Variants in TRAPPC10 observed in about 807,000 individuals in gnomAD.
The protein encoded by TRAPPC10 is TRAPP 130 kDa subunit.
A neutral mutation model predicts 125.5 loss-of-function variants in TRAPPC10; 23 were observed. The observed-to-expected ratio is 0.18, with a 90% CI of 0.13 to 0.26. TRAPPC10 has a LOEUF of 0.26. Ranked by LOEUF, TRAPPC10 falls within the 10% of genes least tolerant of loss-of-function variation. The pLI is 1.00. For synonymous variants in TRAPPC10, 509 were observed against 518.0 expected, an observed-to-expected ratio of 0.98 and a Z score of 0.24; for missense variants, 1,123 against 1,308.4, an observed-to-expected ratio of 0.86 and a Z score of 2.19.
intron 1 of TRAPPC10, among the ~76,000 whole-genome samples, chr21:44,029,187 CG>C (rs2033354139): frequency 2.0e-5 from 3 of 152,172 alleles, no homozygotes; most frequent in Admixed American, 2.0e-4. Flanking sequence ...CTCCGCCTCC[CG>C]GGTTCACACC....
At position 44,036,945 on chromosome 21, in the gene TRAPPC10, A is replaced by G. The variant is rs578009293; in HGVS notation, c.150-847A>G. 2.6e-5 allele frequency among the ~76,000 whole-genome samples: 4 copies of G among 152,344 alleles called. No individual in the cohort carries two copies. The East Asian group carries it at 7.7e-4, about 29-fold the overall frequency. On this transcript the variant is annotated intron_variant, in intron 2 of 22. Transcript: ENST00000291574. ...AAACCAGCAGAGAGAAAAGATGGAA[A>G]AAGAAAACTTGATTAATCTCCCAAA...
intron 11 of TRAPPC10, among the ~76,000 whole-genome samples, chr21:44,078,242 CAA>C (rs1403217996): frequency 1.3e-4 from 20 of 152,080 alleles, no homozygotes; most frequent in African/African-American, 4.8e-4. Flanking sequence ...AAGGTGTGTA[CAA>C]AGACTGCAGG....
At chr21:44,022,276 ATTTTTT>A (rs58767563) in intron 1 of TRAPPC10, among the ~76,000 whole-genome samples, 8 of 83,774 alleles carry the variant, frequency 9.5e-5, no homozygotes, top group South Asian at 3.7e-4. Flanking sequence ...GCCTGGCTAA[ATTTTTT>A]TTTTTTTTTT....
At chr21:44,016,334 A>T (rs2031840427) in intron 1 of TRAPPC10, among the ~76,000 whole-genome samples, 1 of 152,178 alleles carries the variant, frequency 6.6e-6, no homozygotes, top group Admixed American at 6.5e-5. Flanking sequence ...CAGCCATCTC[A>T]TTCAGTTAGT....
Position 44,059,369 on chromosome 21 carries a change from G to C in TRAPPC10, c.790+155G>C. ...ATCGGATATATTCTCGTGATTCCTA[G>C]AGGAAATGAAATGAGAATTAAGAAT... On this transcript the variant is annotated intron_variant, in intron 6 of 22. Transcript: ENST00000291574. This position sits in a 1 kb window ranked among gnomAD's most constrained non-coding sequence, Gnocchi z 4.4. 2 of 696,224 alleles carry C rather than the reference G, an allele frequency of 2.9e-6. No individual in the cohort carries two copies. The highest frequency in any genetic ancestry group is 5.2e-6 in the Non-Finnish European group (2 of 381,998). The allele number at this position is 696,224 out of a possible 1,614,324, so 43.1% of individuals were successfully genotyped here. A position where few individuals can be genotyped will look rare whatever the true frequency, so the allele number is the denominator to read the frequency against.
intron 7 of TRAPPC10, among the ~76,000 whole-genome samples, chr21:44,073,701 T>C (rs960274246): frequency 1.5e-4 from 23 of 152,158 alleles, no homozygotes; most frequent in Admixed American, 1.2e-3. Flanking sequence ...AGACATTGGG[T>C]TTCACCTGTA....
chr21:44,064,476 C>T (rs896759808), intron 7 of TRAPPC10, among the ~76,000 whole-genome samples: 1 of 152,130 alleles, frequency 6.6e-6, no homozygotes, highest in African/African-American at 2.4e-5. Flanking sequence ...TCTGGTGATT[C>T]TTGTTTCAGG....
intron 5 of TRAPPC10, among the ~76,000 whole-genome samples, chr21:44,058,544 G>A (rs1435672224): frequency 1.3e-5 from 2 of 152,246 alleles, no homozygotes; most frequent in African/African-American, 4.8e-5. Flanking sequence ...TTGGGGTTCA[G>A]GTTTCCATGT....
chr21:44,076,548 T>A lies in TRAPPC10; in HGVS notation c.1301-4T>A, dbSNP rs1319152410. The A allele has an allele frequency of 1.2e-6, 2 of 1,613,698 alleles. No homozygotes were observed. Among genetic ancestry groups the A allele is most frequent in the Non-Finnish European group, 1.7e-6 (2 of 1,179,666 alleles). The stretch of plus-strand genomic sequence containing the variant: ...AGAGGGACTCTCGTTTCTTTCTGTT[T>A]AAGCCAACACAGCTCAGAGTCCTTA... On this transcript the variant is annotated splice_region_variant and splice_polypyrimidine_tract_variant and intron_variant, in intron 9 of 22. Coordinates refer to ENST00000291574, the MANE Select transcript of TRAPPC10 (RefSeq NM_003274.5).
rs2038607952 is a variant in TRAPPC10 at position 44,091,920 on chromosome 21, T to C, written c.2871-3T>C. The C allele has an allele frequency of 1.2e-6, 2 of 1,613,474 alleles. No individual in the cohort carries two copies. The highest frequency in any genetic ancestry group is 1.1e-5 in the South Asian group (1 of 91,026). On this transcript the variant is annotated splice_polypyrimidine_tract_variant and splice_region_variant and intron_variant, in intron 18 of 22. Transcript: ENST00000291574. ...AATAATACTTTTTGTTTTTCCACTT[T>C]AGGAAATATGTTCAAGTTTGTGTCC... is the stretch of plus-strand genomic sequence containing the variant.
chr21:44,012,748 C>T (rs1260698360), intron 1 of TRAPPC10, among the ~76,000 whole-genome samples, 188 bp downstream of exon 1: 3 of 152,034 alleles, frequency 2.0e-5, no homozygotes, highest in Admixed American at 2.0e-4. Flanking sequence ...CTGACCTTCC[C>T]GCCGGGCGAC....
intron 3 of TRAPPC10, 117 bp downstream of exon 3, chr21:44,038,044 G>T (rs1304385042): frequency 1.5e-5 from 21 of 1,393,896 alleles, no homozygotes; most frequent in Non-Finnish European, 2.0e-5. Context: ...TTGGAGATGC[G>T]TGGAGAGTGC....
At chr21:44,062,779 G>A (rs1301367976) in intron 6 of TRAPPC10, 1 of 985,356 alleles carries the variant, frequency 1.0e-6, no homozygotes, top group Non-Finnish European at 1.2e-6. Context: ...AGAAGCTCAC[G>A]TCAGTGAAGG....
chr21:44,054,142 T>C (rs1467267212), intron 4 of TRAPPC10, among the ~76,000 whole-genome samples: 1 of 152,204 alleles, frequency 6.6e-6, no homozygotes, highest in African/African-American at 2.4e-5. Context: ...ACCTAACTCA[T>C]AGGTTCTAGC....
chr21:44,088,005 G>C, intron 17 of TRAPPC10, 77 bp downstream of exon 17: 1 of 1,279,598 alleles, frequency 7.8e-7, no homozygotes, highest in East Asian at 2.5e-5. Context: ...GCGATGTAGC[G>C]ATGCCTGCTG....
intron 20 of TRAPPC10, among the ~76,000 whole-genome samples, chr21:44,094,795 C>T (rs930502492): frequency 6.6e-6 from 1 of 152,068 alleles, no homozygotes; most frequent in Non-Finnish European, 1.5e-5. Flanking sequence ...TAATGTTTTG[C>T]AATTTTGTGA....
chr21:44,047,565 T>TGTGTGTGTGTGTGCGCGCGC (rs954810521), intron 3 of TRAPPC10, among the ~76,000 whole-genome samples: 4 of 147,092 alleles, frequency 2.7e-5, no homozygotes, highest in African/African-American at 7.8e-5. Context: ...TGTGTGTGTG[T>TGTGTGTGTGTGTGCGCGCGC]GCGCGCACAC....
At chr21:44,050,316 T>A (rs1488863378) in intron 3 of TRAPPC10, among the ~76,000 whole-genome samples, 4 of 149,946 alleles carry the variant, frequency 2.7e-5, no homozygotes, top group African/African-American at 7.4e-5. Context: ...GCAAATTGAC[T>A]GAGCAGAGCT....
At position 44,087,607 on chromosome 21, in the gene TRAPPC10, T is replaced by A; in HGVS notation, c.2540-92T>A. ...CGCAGGAGCGGGAGAGGTTGAGCAGTGGCCTCACTGCTGGGCCATCACCTG... is the reference window on the plus strand; with the variant it reads ...CGCAGGAGCGGGAGAGGTTGAGCAGAGGCCTCACTGCTGGGCCATCACCTG... On this transcript the variant is annotated intron_variant, in intron 16 of 22. Transcript: ENST00000291574. This position sits in a 1 kb window ranked among gnomAD's most constrained non-coding sequence, Gnocchi z 4.6. 8.8e-7 allele frequency: 1 copy of A among 1,136,578 alleles called. No individual in the cohort carries two copies. Among genetic ancestry groups the A allele is most frequent in the Non-Finnish European group, 1.3e-6 (1 of 772,562 alleles). 70.4% of individuals were successfully genotyped at this position (1,136,578 alleles called of 1,614,324 possible). A position where few individuals can be genotyped will look rare whatever the true frequency, so the allele number is the denominator to read the frequency against.
Sources: allele counts gnomAD v4.1 joint callset (sites outside exome capture counted in the v4.1 genomes callset), GRCh38; gene constraint gnomAD v4.1.1; non-coding constraint Gnocchi (gnomAD v3.1); transcripts MANE v1.5; gene names NCBI Gene and HGNC (gene_info 2026-07-23, HGNC 2026-07-21).